GNAQ: variants seen among roughly 807,000 people sequenced by gnomAD.
GNAQ encodes the protein guanine nucleotide-binding protein G(q) subunit alpha.
In GNAQ, 8 loss-of-function variants were observed where a neutral mutation model predicts 43.9. The observed-to-expected ratio is 0.18, with a 90% CI of 0.11 to 0.33. The LOEUF is 0.33. Among genes scored for constraint, GNAQ ranks in the 10% least tolerant of loss-of-function variants. GNAQ has a pLI of 1.00. For missense variants in GNAQ, 158 were observed against 450.8 expected (o/e 0.35, Z 5.88); for synonymous variants, 155 against 170.7 (o/e 0.91, Z 0.71).
At chr9:77,937,979 T>C (rs1484340534) in intron 1 of GNAQ, among the ~76,000 whole-genome samples, 1 of 152,244 alleles carries the variant, frequency 6.6e-6, no homozygotes, top group East Asian at 1.9e-4. Flanking sequence ...TCAAGTACAG[T>C]TGTCCCTTGG....
rs80219748 is a variant in GNAQ at position 77,792,752 on chromosome 9, A to T, written c.735+1711T>A. On this transcript the variant is annotated intron_variant, in intron 5 of 6. Transcript: ENST00000286548. ...TAAACACTTGTCCTCCTCTAGCTAT[A>T]ATGTAAACATCAGAAATAAATTCAC... Among the ~76,000 whole-genome samples, 980 of 152,278 alleles carry T rather than the reference A, an allele frequency of 6.4e-3. 10 individuals carry two copies. Among genetic ancestry groups the T allele is most frequent in the Middle Eastern group, 0.031 (9 of 294 alleles).
intron 2 of GNAQ, among the ~76,000 whole-genome samples, chr9:77,863,175 AAAGAAAGGAAGGAAGG>A (rs1564133688): frequency 4.9e-5 from 2 of 40,964 alleles, no homozygotes; most frequent in Admixed American, 5.0e-4. Context: ...ACTCCGTATG[AAAGAAAGGAAGGAAGG>A]AAGGAAGGAA....
intron 1 of GNAQ, among the ~76,000 whole-genome samples, chr9:77,946,815 G>A (rs571341998): frequency 2.1e-4 from 32 of 152,294 alleles, no homozygotes; most frequent in African/African-American, 6.3e-4. Flanking sequence ...CTTTGAGCAA[G>A]TTGAGGGACC....
intron 1 of GNAQ, among the ~76,000 whole-genome samples, chr9:77,965,885 A>C (rs1823160788): frequency 6.6e-6 from 1 of 152,076 alleles, no homozygotes; most frequent in Non-Finnish European, 1.5e-5. Flanking sequence ...CTATGCATGA[A>C]TGTTCACAGC....
At chr9:77,825,983 A>G (rs1472256923) in intron 2 of GNAQ, among the ~76,000 whole-genome samples, 4 of 152,162 alleles carry the variant, frequency 2.6e-5, no homozygotes, top group South Asian at 2.1e-4. Flanking sequence ...GAGCTTTAGC[A>G]TTAAAAACAA....
intron 1 of GNAQ, among the ~76,000 whole-genome samples, chr9:78,011,136 C>G (rs1210680789): frequency 6.6e-6 from 1 of 152,140 alleles, no homozygotes; most frequent in Non-Finnish European, 1.5e-5. Context: ...CTGGCTCACT[C>G]AAAAGAGAAG....
intron 3 of GNAQ, among the ~76,000 whole-genome samples, chr9:77,813,643 C>A (rs978434600): frequency 1.3e-4 from 20 of 152,104 alleles, no homozygotes; most frequent in African/African-American, 4.3e-4. Flanking sequence ...AGAGGACTCT[C>A]TCAGAGGGTC....
chr9:77,816,103 T>C (rs1182514963), intron 2 of GNAQ, among the ~76,000 whole-genome samples: 2 of 152,150 alleles, frequency 1.3e-5, no homozygotes, highest in African/African-American at 2.4e-5. Context: ...TAAAATGTTA[T>C]TATTAAAAGA....
chr9:77,970,432 A>G (rs920581375), intron 1 of GNAQ, among the ~76,000 whole-genome samples: 6 of 152,126 alleles, frequency 3.9e-5, no homozygotes, highest in South Asian at 2.1e-4. Context: ...AGAGGCACCT[A>G]TGGCTTTTCA....
intron 2 of GNAQ, among the ~76,000 whole-genome samples, chr9:77,901,243 A>C (rs1322418503): frequency 6.6e-6 from 1 of 152,094 alleles, no homozygotes; most frequent in African/African-American, 2.4e-5. Flanking sequence ...TTTCCTGCCC[A>C]AGGGCTCTTG....
chr9:77,882,961 A>C (rs1828239973), intron 2 of GNAQ, among the ~76,000 whole-genome samples: 1 of 152,226 alleles, frequency 6.6e-6, no homozygotes. Flanking sequence ...CATATATCAA[A>C]GCCATGTCTA....
chr9:77,841,910 C>T (rs1007060930), intron 2 of GNAQ, among the ~76,000 whole-genome samples: 5 of 152,136 alleles, frequency 3.3e-5, no homozygotes, highest in African/African-American at 1.2e-4. Context: ...GTTGGGAGTG[C>T]CCTCTACTGC....
At chr9:77,816,343 T>C (rs189892567) in intron 2 of GNAQ, among the ~76,000 whole-genome samples, 69 of 152,310 alleles carry the variant, frequency 4.5e-4, no homozygotes, top group Admixed American at 1.4e-3. Context: ...CCCTCCACTC[T>C]TATGCACCCA....
At chr9:77,807,886 T>C (rs1040877737) in intron 3 of GNAQ, among the ~76,000 whole-genome samples, 1 of 152,160 alleles carries the variant, frequency 6.6e-6, no homozygotes, top group African/African-American at 2.4e-5. Context: ...GACTCTCCCG[T>C]TGGGTCCAAA....
intron 1 of GNAQ, among the ~76,000 whole-genome samples, chr9:77,960,254 T>C (rs1188470834): frequency 2.0e-5 from 3 of 152,232 alleles, no homozygotes; most frequent in South Asian, 2.1e-4. Flanking sequence ...AAGTAAGAAA[T>C]TGACAAAAGG....
intron 2 of GNAQ, among the ~76,000 whole-genome samples, chr9:77,893,431 G>A (rs1302094889): frequency 1.3e-5 from 2 of 152,196 alleles, no homozygotes; most frequent in Non-Finnish European, 2.9e-5. Context: ...GGACCCCTCA[G>A]TTCTGGGAAT....
rs1402063427 is a variant in GNAQ, at chr9:78,031,762, G to A, written c.-527C>T. ...CCCGGGCGCCCTCGGCCCTGTCCGC[G>A]CCCACCGCCCGGCTCGCGCGCAGAC... On this transcript the variant is annotated 5_prime_UTR_variant, in exon 1 of 7. Coordinates refer to ENST00000286548, the MANE Select transcript of GNAQ (RefSeq NM_002072.5). Among the ~76,000 whole-genome samples, 1 of 146,056 alleles carries A rather than the reference G, an allele frequency of 6.8e-6. No homozygotes were observed. The highest frequency in any genetic ancestry group is 1.5e-5 in the Non-Finnish European group (1 of 65,942).
intron 1 of GNAQ, among the ~76,000 whole-genome samples, chr9:77,992,537 A>C (rs1307580181): frequency 6.6e-6 from 1 of 152,222 alleles, no homozygotes; most frequent in Admixed American, 6.5e-5. Context: ...TATAAAAAAA[A>C]AATTCCTCAA....
At chr9:77,721,647 A>C in intron 6 of GNAQ, 134 bp from the exon 7 acceptor site, 1 of 612,612 alleles carries the variant, frequency 1.6e-6, no homozygotes, top group Non-Finnish European at 2.8e-6. Context: ...TGTTATAATC[A>C]TTTTCCCTAA....
Sources: allele counts gnomAD v4.1 joint callset (sites outside exome capture counted in the v4.1 genomes callset), GRCh38; gene constraint gnomAD v4.1.1; transcripts MANE v1.5; gene names NCBI Gene and HGNC (gene_info 2026-07-23, HGNC 2026-07-21).